GPATCH1: variants seen among roughly 807,000 people sequenced by gnomAD.
GPATCH1 encodes G-patch domain containing 1, also known as G patch domain-containing protein 1.
GPATCH1 carries 73 observed loss-of-function variants against 114.9 expected under a neutral mutation model. The ratio of observed to expected loss-of-function variants is 0.64; its 90% CI spans 0.53 to 0.77. The LOEUF (loss-of-function observed/expected upper bound fraction) is 0.77, where lower values mean the gene tolerates loss of function less well. Among genes scored for constraint, GPATCH1 ranks in the 30% least tolerant of loss-of-function variants. The pLI, the probability that GPATCH1 is intolerant of heterozygous loss-of-function variation, is 0.00. For missense variants in GPATCH1, 1,058 were observed against 1,144.3 expected (o/e 0.92, Z 1.09); for synonymous variants, 391 against 428.4 (o/e 0.91, Z 1.08).
Position 33,111,808 on chromosome 19 carries a change from T to C in GPATCH1, c.1670T>C (p.Leu557Pro). 1.9e-6 allele frequency: 3 copies of C among 1,614,148 alleles called. No individual in the cohort carries two copies. Among genetic ancestry groups the C allele is most frequent in the Non-Finnish European group, 2.5e-6 (3 of 1,179,978 alleles). ...GATGAGTTTGCCCGGGCGGCCCTGC[T>C]GTACGCATCTTCCCATTCGACCTTG... ...ERDEFARAAL[L>P]YASSHSTLSS... is the part of the protein sequence containing the mutation. The change falls in exon 12 of 20, where the codon CTG (leucine) becomes CCG (proline). Residue 557 changes from leucine (L) to proline (P), a missense_variant. Around this residue, in one of 3 missense-constraint regions of GPATCH1, gnomAD observed 893 missense variants for 977.4 expected, o/e 0.91. Transcript: ENST00000170564.
In GPATCH1 at chr19:33,081,277, C is replaced by T. The variant is rs1416158767; in HGVS notation, c.73+11C>T. 6.5e-7 allele frequency: 1 copy of T among 1,547,594 alleles called. No individual in the cohort carries two copies. The highest frequency in any genetic ancestry group is 1.7e-4 in the Middle Eastern group (1 of 5,916). On this transcript the variant is annotated intron_variant, in intron 1 of 19. Coordinates refer to ENST00000170564, the MANE Select transcript of GPATCH1 (RefSeq NM_018025.3). Reference sequence around the variant, plus strand: ...AGCCTCTGGAAGAAGGTGCGGGCCGCGTGGGCCGGCGGAGCCTGTGGAAAA... The same window carrying T: ...AGCCTCTGGAAGAAGGTGCGGGCCGTGTGGGCCGGCGGAGCCTGTGGAAAA...
intron 3 of GPATCH1, among the ~76,000 whole-genome samples, chr19:33,091,546 A>G (rs1972596252): frequency 6.6e-6 from 1 of 152,092 alleles, no homozygotes; most frequent in Non-Finnish European, 1.5e-5. Context: ...TGACTGAACT[A>G]AAATTAAACT....
In GPATCH1 at chr19:33,109,977, T is replaced by C. The variant is rs747716014; in HGVS notation, c.1546T>C (p.Tyr516His). ...FAKDPEKQKR[Y>H]DEFLVHMKQG... is the part of the protein sequence containing the mutation. ...CAAAGATCCGGAAAAGCAAAAGCGATACGACGAGTTCTTAGTACACATGAA... is the reference window on the plus strand; with the variant it reads ...CAAAGATCCGGAAAAGCAAAAGCGACACGACGAGTTCTTAGTACACATGAA... Residue 516 changes from tyrosine to histidine, a missense_variant, in exon 11 of 20, where the codon TAC becomes CAC. Physicochemically the swap from Tyr to His is moderately conservative, Grantham distance 83. This residue lies in a region of GPATCH1 where 893 missense variants were observed against 977.4 expected (regional missense o/e 0.91). Coordinates refer to ENST00000170564, the MANE Select transcript of GPATCH1 (RefSeq NM_018025.3). The C allele has an allele frequency of 6.2e-7, 1 of 1,613,762 alleles. No homozygotes were observed. Among genetic ancestry groups the C allele is most frequent in the Admixed American group, 1.7e-5 (1 of 59,932 alleles).
chr19:33,122,708 T>C (rs903566462), intron 17 of GPATCH1, among the ~76,000 whole-genome samples: 1 of 152,060 alleles, frequency 6.6e-6, no homozygotes, highest in Non-Finnish European at 1.5e-5. Flanking sequence ...ACCCTCGTAA[T>C]AGTGACTTAA....
Position 33,097,816 on chromosome 19 carries a change from C to T in GPATCH1, c.914C>T (p.Ser305Phe), listed in dbSNP as rs368453924. The T allele has an allele frequency of 1.2e-6, 2 of 1,613,254 alleles. No homozygotes were observed. Among genetic ancestry groups the T allele is most frequent in the African/African-American group, 2.7e-5 (2 of 74,886 alleles). ...DDDIYATETL[S>F]KYDTVLKDEE... is the part of the protein sequence containing the mutation. ...GATATCTATGCCACAGAAACTCTATCCAAGTATGACACTGTTCTGAAGGAC... is the reference window on the plus strand; with the variant it reads ...GATATCTATGCCACAGAAACTCTATTCAAGTATGACACTGTTCTGAAGGAC... Residue 305 changes from serine (S) to phenylalanine (F), a missense_variant, in exon 8 of 20, where the codon TCC becomes TTC. Around this residue, in one of 3 missense-constraint regions of GPATCH1, gnomAD observed 893 missense variants for 977.4 expected, o/e 0.91. Coordinates refer to ENST00000170564, the MANE Select transcript of GPATCH1 (RefSeq NM_018025.3).
intron 14 of GPATCH1, 130 bp from the exon 15 acceptor site, chr19:33,114,123 C>A (rs1282987967): frequency 2.1e-6 from 2 of 962,298 alleles, no homozygotes; most frequent in Non-Finnish European, 3.2e-6. Flanking sequence ...CCACCTACCT[C>A]CCCAGGACCC....
chr19:33,090,913 A>G (rs1972587444), intron 3 of GPATCH1, 48 bp downstream of exon 3: 1 of 1,190,300 alleles, frequency 8.4e-7, no homozygotes, highest in East Asian at 2.3e-5. Flanking sequence ...GGACAGGTCT[A>G]GTTGGTTGCT....
At chr19:33,116,863 G>A (rs1972921901) in intron 15 of GPATCH1, among the ~76,000 whole-genome samples, 1 of 151,828 alleles carries the variant, frequency 6.6e-6, no homozygotes, top group African/African-American at 2.4e-5. Flanking sequence ...ACTTCCTCCG[G>A]GGTTTCGTGA....
intron 3 of GPATCH1, among the ~76,000 whole-genome samples, chr19:33,091,413 C>CAAAAAAAAAAAAAAAAA (rs1184888892): frequency 2.2e-5 from 1 of 44,942 alleles, no homozygotes. Flanking sequence ...GACTCCGTCT[C>CAAAAAAAAAAAAAAAAA]AAAAAAAAAA....
At chr19:33,087,252 T>A (rs957773854) in intron 1 of GPATCH1, among the ~76,000 whole-genome samples, 7 of 152,130 alleles carry the variant, frequency 4.6e-5, no homozygotes, top group Non-Finnish European at 8.8e-5. Flanking sequence ...ATAACTTGAT[T>A]TTTTTTATTT....
At chr19:33,086,545 A>G (rs1972535971) in intron 1 of GPATCH1, among the ~76,000 whole-genome samples, 1 of 151,982 alleles carries the variant, frequency 6.6e-6, no homozygotes, top group African/African-American at 2.4e-5. Flanking sequence ...GGCTCACTGC[A>G]ACCTCCTCCT....
intron 10 of GPATCH1, among the ~76,000 whole-genome samples, chr19:33,108,076 G>C (rs1433656883): frequency 6.6e-6 from 1 of 151,842 alleles, no homozygotes; most frequent in Admixed American, 6.6e-5. Context: ...TTGGCCCTTA[G>C]TGAGTCCTCT....
Position 33,086,883 on chromosome 19 carries a change from A to G in GPATCH1, c.74-1251A>G, listed in dbSNP as rs191225970. 2.5e-3 allele frequency among the ~76,000 whole-genome samples: 377 copies of G among 152,136 alleles called. 3 individuals are homozygous for G. Among genetic ancestry groups the G allele is most frequent in the Non-Finnish European group, 3.7e-3 (252 of 67,988 alleles). On this transcript the variant is annotated intron_variant, in intron 1 of 19. Transcript: ENST00000170564. Reference sequence around the variant, plus strand: ...CAGCTACTTGGGAGGCTGAGGCAGGAGAACCACTTGAGCCCAGGAAGCAGA... The same window carrying G: ...CAGCTACTTGGGAGGCTGAGGCAGGGGAACCACTTGAGCCCAGGAAGCAGA...
chr19:33,128,007 T>A (rs1973062368), intron 19 of GPATCH1, among the ~76,000 whole-genome samples: 1 of 152,176 alleles, frequency 6.6e-6, no homozygotes, highest in South Asian at 2.1e-4. Flanking sequence ...TGAACCACCA[T>A]GCCTGGCCTA....
chr19:33,090,837 T>G lies in GPATCH1; in HGVS notation c.266T>G (p.Leu89Arg), dbSNP rs769269655. The G allele has an allele frequency of 6.2e-7, 1 of 1,613,278 alleles. No homozygotes were observed. Among genetic ancestry groups the G allele is most frequent in the South Asian group, 1.1e-5 (1 of 91,060 alleles). Residue 89 changes from leucine to arginine, a missense_variant, in exon 3 of 20, where the codon CTT becomes CGT. Transcript: ENST00000170564. ...SRQNRADKSVLGPEDFMDEED... is the reference protein window; with the variant it reads ...SRQNRADKSVRGPEDFMDEED... ...CAGAACAGAGCAGACAAATCTGTTC[T>G]TGGTCCTGAAGATTTTATGGATGAA...
Position 33,109,883 on chromosome 19 carries a change from C to T in GPATCH1, c.1452C>T (p.His484=), listed in dbSNP as rs761283179. 20 of 1,614,006 alleles carry T rather than the reference C, an allele frequency of 1.2e-5. No individual in the cohort carries two copies. Among genetic ancestry groups the T allele is most frequent in the Admixed American group, 1.7e-5 (1 of 60,002 alleles). The change falls in exon 11 of 20, where the codon CAC becomes CAT. Residue 484 remains histidine (H), a synonymous_variant. Transcript: ENST00000170564. The part of the protein sequence containing the change: ...AQLSPAAAAG[H]CSWNMALGGG... ...TCTCCCCTGCAGCGGCTGCTGGGCA[C>T]TGCTCTTGGAACATGGCATTAGGTG...
intron 19 of GPATCH1, among the ~76,000 whole-genome samples, chr19:33,129,839 GAGGCTGAGGC>G (rs1973082668): frequency 6.6e-6 from 1 of 152,012 alleles, no homozygotes; most frequent in Non-Finnish European, 1.5e-5. Flanking sequence ...AGCTACTCTG[GAGGCTGAGGC>G]AGGAGACTTG....
intron 2 of GPATCH1, among the ~76,000 whole-genome samples, chr19:33,089,352 TC>T (rs1341862340): frequency 6.6e-6 from 1 of 152,222 alleles, no homozygotes; most frequent in Non-Finnish European, 1.5e-5. Flanking sequence ...CAAGACTGGC[TC>T]CTCAGTGCTC....
chr19:33,123,917 G>C (rs1226935669), intron 17 of GPATCH1, among the ~76,000 whole-genome samples: 1 of 150,876 alleles, frequency 6.6e-6, no homozygotes, highest in African/African-American at 2.4e-5. Context: ...AGTGTAGCAC[G>C]ATCTCGGCTC....
Sources: gnomAD v4.1 joint callset for allele counts (sites outside exome capture counted in the v4.1 genomes callset) on GRCh38, gnomAD v4.1.1 for gene constraint, gnomAD v4.1.1 regional missense constraint, MANE v1.5 for transcripts, NCBI Gene and HGNC (gene_info 2026-07-23, HGNC 2026-07-21) for gene names.